Variants in ZNF177 observed in about 807,000 individuals in gnomAD.
ZNF177 encodes the protein zinc finger protein 177.
Under a neutral mutation model 19.4 loss-of-function variants are expected in ZNF177, and 17 were observed. That is an observed-to-expected ratio of 0.87 (90% CI 0.60 to 1.31). The LOEUF is 1.31. Among genes scored for constraint, ZNF177 ranks in the 40% most tolerant of loss-of-function variants. The pLI, the probability that ZNF177 is intolerant of heterozygous loss-of-function variation, is 0.00. For synonymous variants in ZNF177, 220 were observed against 188.7 expected, an observed-to-expected ratio of 1.17 and a Z score of -1.36; for missense variants, 633 against 561.8, an observed-to-expected ratio of 1.13 and a Z score of -1.28.
At chr19:9,381,124 T>C (rs753967261) in exon 6 of ZNF177, 1 of 1,613,954 alleles carries the variant, frequency 6.2e-7, no homozygotes, top group Admixed American at 1.7e-5. Context: ...TGAGAAAACT[T>C]TCACTGACCC....
At chr19:9,376,609 C>A (rs558206481) in intron 1 of ZNF177, among the ~76,000 whole-genome samples, 186 bp downstream of exon 3, 3 of 152,222 alleles carry the variant, frequency 2.0e-5, no homozygotes, top group African/African-American at 7.2e-5. Context: ...CTTAAAACAT[C>A]CTGTAGTTTT....
At chr19:9,378,112 G>T (rs1007810651) in intron 1 of ZNF177, 147 bp from the exon 4 acceptor site, 1 of 626,118 alleles carries the variant, frequency 1.6e-6, no homozygotes, top group Non-Finnish European at 2.5e-6. Context: ...CTAATTTGAG[G>T]ATATACTGTG....
chr19:9,363,452 C>T (rs1221893280), intron 1 of ZNF177, among the ~76,000 whole-genome samples: 2 of 152,174 alleles, frequency 1.3e-5, no homozygotes, highest in African/African-American at 2.4e-5. Context: ...TTGGGATGCG[C>T]GTTATTGGTT....
rs2068183157 is a variant in ZNF177, at chr19:9,380,684, G to GT, written c.354dup (p.Glu119Ter). ...TTTCAACAGGCAGAAAATCAACCTGGTGAGCACTCCCTGGAGTGTAACCAT... is the reference window on the plus strand; with the variant it reads ...TTTCAACAGGCAGAAAATCAACCTGGTTGAGCACTCCCTGGAGTGTAACCAT... On this transcript the variant is annotated frameshift_variant, in exon 6 of 6. Transcript: ENST00000589262. LOFTEE classifies it low-confidence loss of function (END_TRUNC). The GT allele has an allele frequency of 2.6e-6, 4 of 1,535,806 alleles. No individual in the cohort carries two copies. Among genetic ancestry groups the GT allele is most frequent in the African/African-American group, 1.4e-5 (1 of 73,122 alleles).
chr19:9,363,856 C>G (rs1336549083), intron 1 of ZNF177, among the ~76,000 whole-genome samples: 3 of 152,190 alleles, frequency 2.0e-5, no homozygotes, highest in African/African-American at 7.2e-5. Context: ...TACTGCCCTG[C>G]CTACGACCTC....
At chr19:9,374,759 G>A (rs1343920747), upstream of ZNF177, among the ~76,000 whole-genome samples, 1 of 151,562 alleles carries the variant, frequency 6.6e-6, no homozygotes, top group African/African-American at 2.4e-5. Context: ...TTTTTTCATG[G>A]TGTCTTTAGG....
chr19:9,366,149 A>T (rs547934201), intron 2 of ZNF177, among the ~76,000 whole-genome samples: 1 of 152,034 alleles, frequency 6.6e-6, no homozygotes, highest in Non-Finnish European at 1.5e-5. Context: ...CACCCGGCTA[A>T]TTTTTGTATT....
At chr19:9,382,183 T>G (rs1174419763) in exon 6 of ZNF177, 1 of 404,234 alleles carries the variant, frequency 2.5e-6, no homozygotes, top group Non-Finnish European at 4.4e-6. Context: ...ATTTACCATT[T>G]AGTTCAAGCT....
exon 6 of ZNF177, chr19:9,380,683 G>A (rs2068183028): frequency 6.5e-7 from 1 of 1,535,684 alleles, no homozygotes; most frequent in South Asian, 1.2e-5. Context: ...AAATCAACCT[G>A]GTGAGCACTC....
At chr19:9,380,607 T>C in intron 5 of ZNF177, 61 bp from the exon 8 acceptor site, 1 of 1,535,784 alleles carries the variant, frequency 6.5e-7, no homozygotes, top group Non-Finnish European at 8.7e-7. Context: ...TGGAAGAGAA[T>C]TCCTGTGAAT....
chr19:9,368,400 A>G (rs1020193748), intron 2 of ZNF177, among the ~76,000 whole-genome samples: 1 of 152,120 alleles, frequency 6.6e-6, no homozygotes, highest in African/African-American at 2.4e-5. Flanking sequence ...GAAAGTTTTG[A>G]ATTTGATTAA....
intron 1 of ZNF177, chr19:9,363,367 G>C (rs7254821): frequency 0.61 from 92,729 of 152,136 alleles, 28,891 homozygotes; most frequent in African/African-American, 0.73. Context: ...TTTAAACGTC[G>C]TCCCCAGTAG....
exon 6 of ZNF177, chr19:9,381,314 A>G (rs1161122588): frequency 6.2e-7 from 1 of 1,612,744 alleles, no homozygotes; most frequent in East Asian, 2.2e-5. Context: ...TCTCATCTGA[A>G]TGTGCACAAA....
chr19:9,379,704 CTGAGGCCATGACA>C (rs1297435846), intron 4 of ZNF177, 85 bp downstream of exon 6: 1 of 1,467,612 alleles, frequency 6.8e-7, no homozygotes, highest in African/African-American at 1.4e-5. Context: ...GAAAAGAAAT[CTGAGGCCATGACA>C]TGAGCTTCCT....
At chr19:9,369,137 T>C (rs1370647552) in intron 2 of ZNF177, among the ~76,000 whole-genome samples, 2 of 152,100 alleles carry the variant, frequency 1.3e-5, no homozygotes, top group African/African-American at 4.8e-5. Flanking sequence ...GTATACTCCA[T>C]ACATTCAGTA....
At chr19:9,363,355 T>C (rs1001772375) in intron 1 of ZNF177, 3 of 152,250 alleles carry the variant, frequency 2.0e-5, no homozygotes, top group Non-Finnish European at 4.4e-5. Context: ...TGTACCCTTC[T>C]CTTTAAACGT....
intron 2 of ZNF177, among the ~76,000 whole-genome samples, chr19:9,368,200 CT>C (rs1568380599): frequency 6.6e-6 from 1 of 152,126 alleles, no homozygotes; most frequent in Non-Finnish European, 1.5e-5. Flanking sequence ...CTAGATTCTT[CT>C]TTTATATTTT....
At chr19:9,378,720 C>T in intron 2 of ZNF177, 1 of 605,028 alleles carries the variant, frequency 1.7e-6, no homozygotes, top group African/African-American at 1.9e-5. Flanking sequence ...AAGATCAAGC[C>T]AACCATATTT....
chr19:9,381,939 G>T, exon 6 of ZNF177: 1 of 1,066,894 alleles, frequency 9.4e-7, no homozygotes, highest in Non-Finnish European at 1.3e-6. Flanking sequence ...AGCTATGATT[G>T]TTTTTATCAG....
Sources: allele counts gnomAD v4.1 joint callset (sites outside exome capture counted in the v4.1 genomes callset), GRCh38; gene constraint gnomAD v4.1.1; transcripts MANE v1.5; gene names NCBI Gene and HGNC (gene_info 2026-07-23, HGNC 2026-07-21).